Variants in PDE8A observed in about 807,000 individuals in gnomAD.
The protein encoded by PDE8A is high affinity cAMP-specific and IBMX-insensitive 3',5'-cyclic phosphodiesterase 8A.
In PDE8A, 59 loss-of-function variants were observed where a neutral mutation model predicts 105.0. The ratio of observed to expected loss-of-function variants is 0.56; its 90% CI spans 0.46 to 0.70. PDE8A has a LOEUF of 0.70. Ranked by LOEUF, PDE8A falls within the 30% of genes least tolerant of loss-of-function variation. The pLI, the probability that PDE8A is intolerant of heterozygous loss-of-function variation, is 0.00. For synonymous variants in PDE8A, 355 were observed against 371.9 expected, an observed-to-expected ratio of 0.95 and a Z score of 0.52; for missense variants, 1,014 against 1,045.9, an observed-to-expected ratio of 0.97 and a Z score of 0.42.
At chr15:84,995,276 C>T (rs1290023938) in intron 1 of PDE8A, among the ~76,000 whole-genome samples, 1 of 151,376 alleles carries the variant, frequency 6.6e-6, no homozygotes, top group Non-Finnish European at 1.5e-5. Context: ...TTAGTTTTGC[C>T]TGTTCTAATT....
chr15:85,028,131 T>C (rs939732499), intron 1 of PDE8A, among the ~76,000 whole-genome samples: 2 of 152,234 alleles, frequency 1.3e-5, no homozygotes, highest in Admixed American at 1.3e-4. Context: ...TGAATATATA[T>C]GTACATGGTA....
intron 6 of PDE8A, among the ~76,000 whole-genome samples, chr15:85,088,211 G>A (rs1260668179): frequency 6.6e-6 from 1 of 152,110 alleles, no homozygotes; most frequent in African/African-American, 2.4e-5. Context: ...TTTTAGTAGA[G>A]ACGGGGTTTC....
At chr15:85,106,222 G>A (rs993523271) in intron 11 of PDE8A, among the ~76,000 whole-genome samples, 6 of 151,792 alleles carry the variant, frequency 4.0e-5, no homozygotes, top group African/African-American at 4.8e-5. Flanking sequence ...AAATGCTGTC[G>A]TCCTCCTCCT....
At chr15:85,000,543 T>C (rs2080050553) in intron 1 of PDE8A, among the ~76,000 whole-genome samples, 1 of 151,218 alleles carries the variant, frequency 6.6e-6, no homozygotes, top group South Asian at 2.1e-4. Context: ...AGTAAAATAA[T>C]GTAGGCTGGC....
intron 1 of PDE8A, among the ~76,000 whole-genome samples, chr15:85,051,767 G>A (rs960483080): frequency 2.0e-5 from 3 of 152,014 alleles, no homozygotes; most frequent in Non-Finnish European, 4.4e-5. Context: ...AGCTCCATCC[G>A]TGTTTGTGCA....
intron 19 of PDE8A, 46 bp from the exon 20 acceptor site, chr15:85,126,161 A>G (rs757879357): frequency 8.2e-6 from 12 of 1,472,248 alleles, no homozygotes; most frequent in African/African-American, 1.4e-5. Flanking sequence ...AGGGCTTGGC[A>G]CCAAGGGATC....
intron 20 of PDE8A, among the ~76,000 whole-genome samples, chr15:85,127,044 AAGTT>A (rs933938865): frequency 1.2e-4 from 19 of 152,026 alleles, no homozygotes; most frequent in Non-Finnish European, 1.0e-4. Context: ...AAAAAATTAA[AAGTT>A]AGCCGGGCAT....
At chr15:85,040,825 C>T (rs2080795128) in intron 1 of PDE8A, among the ~76,000 whole-genome samples, 1 of 152,172 alleles carries the variant, frequency 6.6e-6, no homozygotes, top group South Asian at 2.1e-4. Flanking sequence ...TCCCAAAATG[C>T]TGGGATTACA....
intron 8 of PDE8A, among the ~76,000 whole-genome samples, chr15:85,095,426 C>T (rs137997324): frequency 1.3e-3 from 196 of 152,212 alleles, no homozygotes; most frequent in African/African-American, 4.5e-3. Context: ...TCACTGCAAC[C>T]TCTGCCTCTC....
intron 1 of PDE8A, among the ~76,000 whole-genome samples, chr15:85,052,942 G>A (rs191045356): frequency 1.3e-3 from 199 of 152,264 alleles, no homozygotes; most frequent in African/African-American, 4.6e-3. Context: ...TCTTCCTGGG[G>A]TTTTTATGGT....
At chr15:85,064,336 T>C in intron 1 of PDE8A, 34 bp from the exon 2 acceptor site, 1 of 1,531,612 alleles carries the variant, frequency 6.5e-7, no homozygotes, top group Non-Finnish European at 9.0e-7. Context: ...TTCTCCGTTG[T>C]CTTTTCATTT....
intron 7 of PDE8A, 167 bp from the exon 8 acceptor site, chr15:85,090,877 C>A: frequency 1.5e-6 from 1 of 683,260 alleles, no homozygotes; most frequent in Non-Finnish European, 2.7e-6. Flanking sequence ...CTCCAGAATT[C>A]TTCGTGGGTT....
At chr15:85,079,642 G>A (rs925980661) in intron 5 of PDE8A, among the ~76,000 whole-genome samples, 1 of 152,234 alleles carries the variant, frequency 6.6e-6, no homozygotes, top group African/African-American at 2.4e-5. Flanking sequence ...GCTGGGCACG[G>A]TGGCTCACGC....
chr15:85,084,384 G>A (rs571977199), intron 6 of PDE8A, among the ~76,000 whole-genome samples: 110 of 152,162 alleles, frequency 7.2e-4, no homozygotes, highest in Non-Finnish European at 1.4e-3. Context: ...AATGATTAGC[G>A]GGCAGAGTGT....
rs568710147 is a variant in PDE8A at position 85,136,110 on chromosome 15, AC to A, written c.2254-423del. ...GAGGCATTGAAATGTGACAGCAGTT[AC>A]GTCTCACTCCCCACCCTGACCTAAG... is the stretch of plus-strand genomic sequence containing the variant. On this transcript the variant is annotated intron_variant, in intron 20 of 21. Transcript: ENST00000394553. Among the ~76,000 whole-genome samples the A allele has an allele frequency of 2.7e-3, 415 of 152,338 alleles. 3 individuals carry two copies. The highest frequency in any genetic ancestry group is 9.4e-3 in the African/African-American group (391 of 41,576).
At chr15:85,079,252 C>T (rs2081428242) in intron 5 of PDE8A, among the ~76,000 whole-genome samples, 1 of 152,156 alleles carries the variant, frequency 6.6e-6, no homozygotes, top group Admixed American at 6.5e-5. Context: ...AAATTCTAGA[C>T]TATCTTAGTC....
chr15:85,078,567 A>AAG lies in PDE8A; in HGVS notation c.546+1781_546+1782insGA, dbSNP rs1308686575. ...CCATCTCAAAAAAAAAAAAAAAAAA[A>AAG]AAAGAAAGAAAAGAAAAGAACTTCC... On this transcript the variant is annotated intron_variant, in intron 5 of 21. Coordinates refer to ENST00000394553, the MANE Select transcript of PDE8A (RefSeq NM_002605.3). Among the ~76,000 whole-genome samples the AAG allele has an allele frequency of 8.0e-5, 12 of 150,088 alleles. No homozygotes were observed. The South Asian group carries it at 8.4e-4, about 11-fold the overall frequency.
intron 5 of PDE8A, among the ~76,000 whole-genome samples, chr15:85,083,353 G>A (rs1438442611): frequency 6.6e-6 from 1 of 151,790 alleles, no homozygotes; most frequent in African/African-American, 2.4e-5. Flanking sequence ...ATGATAGAAG[G>A]AAAAGCATTC....
At chr15:85,025,109 G>A (rs998957133) in intron 1 of PDE8A, among the ~76,000 whole-genome samples, 2 of 152,028 alleles carry the variant, frequency 1.3e-5, no homozygotes, top group African/African-American at 4.8e-5. Flanking sequence ...TCTTGCTTTT[G>A]TGGTCACCAA....
Sources: allele counts gnomAD v4.1 joint callset (sites outside exome capture counted in the v4.1 genomes callset), GRCh38; gene constraint gnomAD v4.1.1; transcripts MANE v1.5; gene names NCBI Gene and HGNC (gene_info 2026-07-23, HGNC 2026-07-21).